DIAPH3: variants seen among roughly 807,000 people sequenced by gnomAD.
DIAPH3 encodes diaphanous related formin 3.
Under a neutral mutation model 144.3 loss-of-function variants are expected in DIAPH3, and 117 were observed. That is an observed-to-expected ratio of 0.81 (90% CI 0.70 to 0.95). The LOEUF (loss-of-function observed/expected upper bound fraction) is 0.95, where lower values mean the gene tolerates loss of function less well. Among genes scored for constraint, DIAPH3 ranks in the 40% least tolerant of loss-of-function variants. DIAPH3 has a pLI of 0.00. For synonymous variants in DIAPH3, 519 were observed against 488.9 expected (o/e 1.06, Z -0.81); for missense variants, 1,421 against 1,412.7 (o/e 1.01, Z -0.09).
intron 27 of DIAPH3, among the ~76,000 whole-genome samples, chr13:59,763,205 T>C (rs1340256491): frequency 6.6e-6 from 1 of 152,130 alleles, no homozygotes; most frequent in Non-Finnish European, 1.5e-5. Context: ...TTCATACATA[T>C]ATCTTTATAT....
At chr13:59,971,268 T>C (rs776863448) in intron 15 of DIAPH3, 108 bp from the exon 16 acceptor site, 112 of 1,023,916 alleles carry the variant, frequency 1.1e-4, no homozygotes, top group Non-Finnish European at 1.5e-4. Context: ...AATAATTACA[T>C]ATCAGTAATT....
At chr13:59,984,419 C>T (rs2051249040) in intron 12 of DIAPH3, among the ~76,000 whole-genome samples, 1 of 151,548 alleles carries the variant, frequency 6.6e-6, no homozygotes, top group Non-Finnish European at 1.5e-5. Context: ...TAGAAAAATT[C>T]AGTATAATAA....
intron 5 of DIAPH3, among the ~76,000 whole-genome samples, chr13:60,030,473 G>A (rs2054706782): frequency 6.6e-6 from 1 of 152,076 alleles, no homozygotes; most frequent in South Asian, 2.1e-4. Flanking sequence ...CTCCTGTCTT[G>A]CAAATGAGCA....
Position 60,160,121 on chromosome 13 carries a change from G to A in DIAPH3, c.180+3466C>T, listed in dbSNP as rs1189022340. On this transcript the variant is annotated intron_variant, in intron 1 of 27. Transcript: ENST00000400324. ...CACCTGTAGTCCCAACTACTCGGGA[G>A]GCTGAGGCAGGAGAATGGCATGAAC... 2.6e-5 allele frequency among the ~76,000 whole-genome samples: 4 copies of A among 152,292 alleles called. No individual in the cohort carries two copies. The East Asian group carries it at 7.7e-4, about 30-fold the overall frequency.
chr13:59,677,826 T>C (rs933891178), intron 27 of DIAPH3, among the ~76,000 whole-genome samples: 2 of 152,306 alleles, frequency 1.3e-5, no homozygotes, highest in African/African-American at 2.4e-5. Context: ...TCTAGGTAAG[T>C]TGGATTTAGG....
intron 27 of DIAPH3, among the ~76,000 whole-genome samples, chr13:59,717,522 CCACT>C (rs1208038113): frequency 6.6e-6 from 1 of 152,254 alleles, no homozygotes; most frequent in African/African-American, 2.4e-5. Context: ...TACAGTCTGA[CCACT>C]CACTCAGACC....
At chr13:59,884,781 CAAA>C (rs34055848) in intron 20 of DIAPH3, among the ~76,000 whole-genome samples, 1 of 136,536 alleles carries the variant, frequency 7.3e-6, no homozygotes. Context: ...AGAAAGGCTT[CAAA>C]AAAAAAAAAA....
Position 60,134,861 on chromosome 13 carries a change from T to C in DIAPH3, c.181-1872A>G, listed in dbSNP as rs191366531. ...AGAGAAAAACATCTACTTAAACAAA[T>C]AAAATATTCCCAAAACCAGCTTGAA... On this transcript the variant is annotated intron_variant, in intron 1 of 27. Transcript: ENST00000400324. 5.5e-3 allele frequency among the ~76,000 whole-genome samples: 837 copies of C among 152,116 alleles called. 19 individuals carry two copies. The highest frequency in any genetic ancestry group is 3.8e-3 in the Non-Finnish European group (261 of 67,976).
rs967631919 is a variant in DIAPH3, at chr13:59,666,312, T to C, written c.*272A>G. 5 of 373,594 alleles carry C rather than the reference T, an allele frequency of 1.3e-5. No individual in the cohort carries two copies. Among genetic ancestry groups the C allele is most frequent in the South Asian group, 4.0e-5 (1 of 25,104 alleles). The allele number at this position is 373,594 out of a possible 1,614,324, so 23.1% of individuals were successfully genotyped here. A position where few individuals can be genotyped will look rare whatever the true frequency, so the allele number is the denominator to read the frequency against. Reference sequence around the variant, plus strand: ...CACCTACCTGCTCTCTAAAGCAATATGTATAATTTAACCACCAAATAAAGA... The same window carrying C: ...CACCTACCTGCTCTCTAAAGCAATACGTATAATTTAACCACCAAATAAAGA... On this transcript the variant is annotated 3_prime_UTR_variant, in exon 28 of 28. Coordinates refer to ENST00000400324, the MANE Select transcript of DIAPH3 (RefSeq NM_001042517.2).
At chr13:59,867,136 G>A (rs2043973427) in intron 21 of DIAPH3, among the ~76,000 whole-genome samples, 1 of 149,998 alleles carries the variant, frequency 6.7e-6, no homozygotes, top group Non-Finnish European at 1.5e-5. Context: ...AAACAAAACT[G>A]AGTATCACTC....
chr13:59,786,355 C>T (rs898342481), intron 25 of DIAPH3, among the ~76,000 whole-genome samples: 4 of 152,014 alleles, frequency 2.6e-5, no homozygotes, highest in African/African-American at 7.3e-5. Flanking sequence ...GAAACCTATT[C>T]TTGGATGTCA....
At chr13:59,807,400 C>T (rs1293567262) in intron 25 of DIAPH3, among the ~76,000 whole-genome samples, 1 of 151,980 alleles carries the variant, frequency 6.6e-6, no homozygotes, top group East Asian at 1.9e-4. Flanking sequence ...CAAAGTCTCA[C>T]AGTAGCTTCT....
intron 2 of DIAPH3, among the ~76,000 whole-genome samples, chr13:60,127,797 G>A (rs2059026670): frequency 6.6e-6 from 1 of 152,084 alleles, no homozygotes; most frequent in Non-Finnish European, 1.5e-5. Context: ...TTCATATCAC[G>A]ACTAGTGCAC....
chr13:60,038,958 C>A (rs1594461978), intron 5 of DIAPH3, among the ~76,000 whole-genome samples: 1 of 151,844 alleles, frequency 6.6e-6, no homozygotes, highest in African/African-American at 2.4e-5. Flanking sequence ...TAATTATTGA[C>A]TATGTCAAGA....
chr13:60,082,118 C>T lies in DIAPH3; in HGVS notation c.495+11510G>A, dbSNP rs558897558. On this transcript the variant is annotated intron_variant, in intron 4 of 27. Transcript: ENST00000400324. ...AAAATATTTAAAGTGGACTAAGACA[C>T]ACTCAAAAATGCAGTGAGGGAATTC... Among the ~76,000 whole-genome samples, 11 of 150,742 alleles carry T rather than the reference C, an allele frequency of 7.3e-5. No individual in the cohort carries two copies. In the East Asian group the frequency reaches 2.2e-3, roughly 30 times the overall value.
chr13:59,808,095 A>C (rs2040286866), intron 25 of DIAPH3, among the ~76,000 whole-genome samples: 1 of 151,722 alleles, frequency 6.6e-6, no homozygotes, highest in Non-Finnish European at 1.5e-5. Flanking sequence ...AGTTGATATG[A>C]AATCAGTGAA....
At chr13:59,869,935 T>C (rs2044155751) in intron 21 of DIAPH3, among the ~76,000 whole-genome samples, 1 of 151,738 alleles carries the variant, frequency 6.6e-6, no homozygotes, top group African/African-American at 2.4e-5. Flanking sequence ...GCCTGTTTTC[T>C]TTTCATTGTC....
At chr13:59,919,080 AGAAAAAAATCT>A (rs2047385423) in intron 18 of DIAPH3, among the ~76,000 whole-genome samples, 1 of 151,414 alleles carries the variant, frequency 6.6e-6, no homozygotes, top group Non-Finnish European at 1.5e-5. Flanking sequence ...ATCAAGCAGA[AGAAAAAAATCT>A]GTAAACTTAA....
intron 27 of DIAPH3, among the ~76,000 whole-genome samples, chr13:59,749,730 G>T (rs9528035): frequency 0.34 from 52,150 of 151,484 alleles, 9,415 homozygotes; most frequent in African/African-American, 0.45. Flanking sequence ...TTTCTTAAAA[G>T]AAAAAACAAC....
Sources: gnomAD v4.1 joint callset for allele counts (sites outside exome capture counted in the v4.1 genomes callset) on GRCh38, gnomAD v4.1.1 for gene constraint, MANE v1.5 for transcripts, NCBI Gene and HGNC (gene_info 2026-07-23, HGNC 2026-07-21) for gene names.